The following HS6ST3 variants were observed in gnomAD, a reference collection of about 807,000 sequenced individuals.
HS6ST3 encodes heparan-sulfate 6-O-sulfotransferase 3.
Under a neutral mutation model 36.7 loss-of-function variants are expected in HS6ST3, and 12 were observed. That is an observed-to-expected ratio of 0.33 (90% CI 0.21 to 0.53). HS6ST3 has a LOEUF of 0.53. HS6ST3 is among the 20% of genes least tolerant of loss of function. The pLI is 0.95. For synonymous variants in HS6ST3, 240 were observed against 257.5 expected, an observed-to-expected ratio of 0.93 and a Z score of 0.65; for missense variants, 584 against 640.9, an observed-to-expected ratio of 0.91 and a Z score of 0.96.
At chr13:96,761,109 T>C (rs958863229) in intron 1 of HS6ST3, among the ~76,000 whole-genome samples, 3 of 151,728 alleles carry the variant, frequency 2.0e-5, no homozygotes, top group African/African-American at 7.3e-5. Flanking sequence ...ACGTGTTGAA[T>C]TTTTTTTCAC....
At chr13:96,790,432 G>A (rs971088789) in intron 1 of HS6ST3, among the ~76,000 whole-genome samples, 4 of 151,814 alleles carry the variant, frequency 2.6e-5, no homozygotes, top group Non-Finnish European at 4.4e-5. Context: ...AAACTAACTC[G>A]AGTTTCAAAT....
chr13:96,493,541 G>A lies in HS6ST3; in HGVS notation c.708-338949G>A, dbSNP rs569511208. On this transcript the variant is annotated intron_variant, in intron 1 of 1. Transcript: ENST00000376705. ...CTTTGTGACAGTGTGGGTACTTTTG[G>A]TTCAGAGTGATATTGAACTCATCTG... 4.9e-4 allele frequency among the ~76,000 whole-genome samples: 74 copies of A among 152,118 alleles called. No individual in the cohort carries two copies. In the South Asian group the frequency reaches 6.0e-3, roughly 12 times the overall value.
At chr13:96,155,741 C>G (rs1320052966) in intron 1 of HS6ST3, among the ~76,000 whole-genome samples, 2 of 152,156 alleles carry the variant, frequency 1.3e-5, no homozygotes, top group African/African-American at 2.4e-5. Context: ...ATTTATCATA[C>G]TATTTTTCTG....
At chr13:96,582,120 C>A (rs2056344023) in intron 1 of HS6ST3, among the ~76,000 whole-genome samples, 1 of 152,178 alleles carries the variant, frequency 6.6e-6, no homozygotes, top group South Asian at 2.1e-4. Flanking sequence ...AGAAAATGCT[C>A]TTCATTTTAA....
intron 1 of HS6ST3, among the ~76,000 whole-genome samples, chr13:96,371,836 A>G (rs986860850): frequency 6.6e-6 from 1 of 152,100 alleles, no homozygotes; most frequent in Non-Finnish European, 1.5e-5. Context: ...TTGCATATAT[A>G]TGTATTCTAT....
intron 1 of HS6ST3, among the ~76,000 whole-genome samples, chr13:96,304,507 T>A (rs2054899503): frequency 6.6e-6 from 1 of 151,792 alleles, no homozygotes; most frequent in South Asian, 2.1e-4. Context: ...TTAATAGGAG[T>A]GACTGATGTG....
chr13:96,701,714 C>T (rs531014652), intron 1 of HS6ST3, among the ~76,000 whole-genome samples: 2 of 152,226 alleles, frequency 1.3e-5, no homozygotes, highest in Non-Finnish European at 2.9e-5. Flanking sequence ...AGTCCCAGCA[C>T]TTTGGTAGGC....
chr13:96,326,477 T>C (rs2055032381), intron 1 of HS6ST3, among the ~76,000 whole-genome samples: 1 of 152,036 alleles, frequency 6.6e-6, no homozygotes, highest in Admixed American at 6.5e-5. Context: ...GGTTCCCAGC[T>C]TCATCCATGT....
chr13:96,579,499 A>C (rs1165843555), intron 1 of HS6ST3, among the ~76,000 whole-genome samples: 1 of 152,146 alleles, frequency 6.6e-6, no homozygotes, highest in East Asian at 1.9e-4. Context: ...TAGGACTGTG[A>C]AGCTGCCACA....
At chr13:96,440,493 AGAAAGGAAAGGAAAG>A (rs544712773) in intron 1 of HS6ST3, among the ~76,000 whole-genome samples, 20 of 72,162 alleles carry the variant, frequency 2.8e-4, no homozygotes, top group Non-Finnish European at 5.0e-4. Flanking sequence ...AGGGGAGAGG[AGAAAGGAAAGGAAAG>A]GAAAGGAAAG....
chr13:96,456,285 T>C (rs2055754310), intron 1 of HS6ST3, among the ~76,000 whole-genome samples: 2 of 152,160 alleles, frequency 1.3e-5, no homozygotes, highest in South Asian at 4.1e-4. Flanking sequence ...CTTGACCCTT[T>C]GTGAGAAATC....
chr13:96,292,659 T>C (rs2139399610), intron 1 of HS6ST3, among the ~76,000 whole-genome samples: 1 of 152,206 alleles, frequency 6.6e-6, no homozygotes, highest in East Asian at 1.9e-4. Context: ...TGCCAGGTAC[T>C]AATAGGCACT....
chr13:96,263,295 C>A (rs541189813), intron 1 of HS6ST3, among the ~76,000 whole-genome samples: 8 of 152,254 alleles, frequency 5.3e-5, no homozygotes, highest in Non-Finnish European at 1.5e-5. Flanking sequence ...TCTATCCAAA[C>A]AAATGGACTC....
At chr13:96,462,126 G>A (rs1473693040) in intron 1 of HS6ST3, among the ~76,000 whole-genome samples, 6 of 152,198 alleles carry the variant, frequency 3.9e-5, no homozygotes, top group African/African-American at 1.4e-4. Context: ...TTGGAGTGCA[G>A]TAGTGTGATC....
intron 1 of HS6ST3, among the ~76,000 whole-genome samples, chr13:96,583,574 C>A (rs2056350198): frequency 1.3e-5 from 2 of 152,210 alleles, no homozygotes; most frequent in South Asian, 4.2e-4. Context: ...CTAGTCCATG[C>A]GTTCTGCCCA....
intron 1 of HS6ST3, among the ~76,000 whole-genome samples, chr13:96,475,704 T>G (rs2055861129): frequency 6.6e-6 from 1 of 151,942 alleles, no homozygotes; most frequent in African/African-American, 2.4e-5. Context: ...AATTAAGGAT[T>G]TAAGTCATTC....
chr13:96,102,554 C>G (rs1328310809), intron 1 of HS6ST3, among the ~76,000 whole-genome samples: 2 of 152,128 alleles, frequency 1.3e-5, no homozygotes, highest in African/African-American at 4.8e-5. Flanking sequence ...AGACTGAGGC[C>G]TAAAACACCA....
At chr13:96,109,189 T>C (rs1217148067) in intron 1 of HS6ST3, among the ~76,000 whole-genome samples, 1 of 152,160 alleles carries the variant, frequency 6.6e-6, no homozygotes, top group East Asian at 1.9e-4. Context: ...GACAGGTTTG[T>C]CACAAGCATT....
chr13:96,349,962 T>C (rs989103430), intron 1 of HS6ST3, among the ~76,000 whole-genome samples: 1 of 152,156 alleles, frequency 6.6e-6, no homozygotes, highest in Non-Finnish European at 1.5e-5. Flanking sequence ...AAGATGAAAC[T>C]CTGTCTTTCA....
Sources: allele counts gnomAD v4.1 joint callset (sites outside exome capture counted in the v4.1 genomes callset), GRCh38; gene constraint gnomAD v4.1.1; transcripts MANE v1.5; gene names NCBI Gene and HGNC (gene_info 2026-07-23, HGNC 2026-07-21).